Variants in MGAT4C observed in about 807,000 individuals in gnomAD.
MGAT4C encodes alpha-1,3-mannosyl-glycoprotein 4-beta-N-acetylglucosaminyltransferase C.
A neutral mutation model predicts 40.1 loss-of-function variants in MGAT4C; 19 were observed. The ratio of observed to expected loss-of-function variants is 0.47; its 90% CI spans 0.33 to 0.70. MGAT4C has a LOEUF of 0.70. Ranked by LOEUF, MGAT4C falls within the 30% of genes least tolerant of loss-of-function variation. The pLI, the probability that MGAT4C is intolerant of heterozygous loss-of-function variation, is 0.02. For missense variants in MGAT4C, 491 were observed against 563.2 expected (o/e 0.87, Z 1.30); for synonymous variants, 181 against 187.1 (o/e 0.97, Z 0.27).
chr12:86,622,836 G>T (rs1962681984), intron 2 of MGAT4C, among the ~76,000 whole-genome samples: 2 of 151,870 alleles, frequency 1.3e-5, no homozygotes, highest in Admixed American at 1.3e-4. Context: ...AAAATGACAG[G>T]AATGAGAGAA....
intron 1 of MGAT4C, among the ~76,000 whole-genome samples, chr12:86,179,033 C>T (rs1416141404): frequency 3.3e-5 from 5 of 152,134 alleles, no homozygotes; most frequent in Non-Finnish European, 7.3e-5. Flanking sequence ...GGCTGTGTCT[C>T]CAGCCAAATG....
At chr12:86,770,032 A>T (rs1440069108) in intron 1 of MGAT4C, among the ~76,000 whole-genome samples, 1 of 151,972 alleles carries the variant, frequency 6.6e-6, no homozygotes, top group Non-Finnish European at 1.5e-5. Flanking sequence ...ATAAAAAAAG[A>T]ATGACATTAT....
At chr12:86,470,358 C>T (rs1957741484) in intron 2 of MGAT4C, among the ~76,000 whole-genome samples, 1 of 152,004 alleles carries the variant, frequency 6.6e-6, no homozygotes, top group Non-Finnish European at 1.5e-5. Context: ...AATATGAGGA[C>T]TGAACTTCGA....
chr12:86,214,190 C>A (rs905827794), intron 1 of MGAT4C, among the ~76,000 whole-genome samples: 2 of 152,146 alleles, frequency 1.3e-5, no homozygotes, highest in Admixed American at 1.3e-4. Flanking sequence ...CAGGCTTGCC[C>A]TCATTTCTGT....
At chr12:86,237,019 T>G (rs1474659042) in intron 1 of MGAT4C, among the ~76,000 whole-genome samples, 1 of 150,660 alleles carries the variant, frequency 6.6e-6, no homozygotes, top group Non-Finnish European at 1.5e-5. Flanking sequence ...TTTATATATA[T>G]ATATGTGTAT....
intron 1 of MGAT4C, among the ~76,000 whole-genome samples, chr12:86,806,242 A>G (rs1264434783): frequency 6.6e-6 from 1 of 151,956 alleles, no homozygotes; most frequent in Non-Finnish European, 1.5e-5. Flanking sequence ...CTCTTTTATT[A>G]GAATTTTTAT....
At chr12:86,592,488 T>C (rs1371337185) in intron 2 of MGAT4C, among the ~76,000 whole-genome samples, 2 of 152,136 alleles carry the variant, frequency 1.3e-5, no homozygotes, top group African/African-American at 4.8e-5. Context: ...TAAAAAAAAG[T>C]ATCATCAAAT....
intron 1 of MGAT4C, among the ~76,000 whole-genome samples, chr12:86,753,510 C>A (rs970442361): frequency 6.6e-6 from 1 of 152,004 alleles, no homozygotes; most frequent in Non-Finnish European, 1.5e-5. Context: ...CACTTCACAC[C>A]TCTGTATTTC....
chr12:86,513,783 G>A (rs1218226485), intron 2 of MGAT4C, among the ~76,000 whole-genome samples: 1 of 151,996 alleles, frequency 6.6e-6, no homozygotes, highest in African/African-American at 2.4e-5. Flanking sequence ...TTTACTTAAG[G>A]AAGACAATAA....
chr12:86,753,491 C>T (rs1951256065), intron 1 of MGAT4C, among the ~76,000 whole-genome samples: 1 of 151,982 alleles, frequency 6.6e-6, no homozygotes, highest in Non-Finnish European at 1.5e-5. Context: ...TGTAAGACCC[C>T]TGATTTCCCA....
intron 1 of MGAT4C, among the ~76,000 whole-genome samples, chr12:86,126,875 G>A (rs927311797): frequency 8.5e-5 from 13 of 152,244 alleles, no homozygotes; most frequent in African/African-American, 2.6e-4. Flanking sequence ...TTCAATGGAC[G>A]GATAGGGGTG....
intron 2 of MGAT4C, among the ~76,000 whole-genome samples, chr12:86,041,887 A>G (rs1891889022): frequency 6.6e-6 from 1 of 152,008 alleles, no homozygotes; most frequent in Non-Finnish European, 1.5e-5. Context: ...TGCTTCGATG[A>G]TCTCCCTAAT....
chr12:86,476,582 T>C (rs1957838348), intron 2 of MGAT4C, among the ~76,000 whole-genome samples: 2 of 151,900 alleles, frequency 1.3e-5, no homozygotes, highest in African/African-American at 4.8e-5. Flanking sequence ...CCTGGGTTTA[T>C]ATACCCAAAG....
intron 2 of MGAT4C, among the ~76,000 whole-genome samples, chr12:86,708,748 T>C (rs1171173375): frequency 2.0e-5 from 3 of 152,316 alleles, no homozygotes; most frequent in South Asian, 2.1e-4. Flanking sequence ...AAAGATCTGA[T>C]AGCCCCACCA....
chr12:86,140,383 A>G (rs539733338), intron 1 of MGAT4C, among the ~76,000 whole-genome samples: 13 of 152,286 alleles, frequency 8.5e-5, no homozygotes, highest in African/African-American at 3.1e-4. Context: ...CATTCTCAGC[A>G]AACCAACAAA....
chr12:86,553,740 C>T (rs1445972314), intron 2 of MGAT4C, among the ~76,000 whole-genome samples: 1 of 152,140 alleles, frequency 6.6e-6, no homozygotes, highest in Admixed American at 6.6e-5. Context: ...AGCTAGCTCT[C>T]TCAAATGCTA....
chr12:86,161,369 C>A (rs901884294), intron 1 of MGAT4C, among the ~76,000 whole-genome samples: 3 of 152,016 alleles, frequency 2.0e-5, no homozygotes, highest in Non-Finnish European at 4.4e-5. Context: ...CACCTACAAC[C>A]ATTCTTTGAC....
intron 2 of MGAT4C, among the ~76,000 whole-genome samples, chr12:86,440,421 C>T (rs1957206142): frequency 6.6e-6 from 1 of 151,814 alleles, no homozygotes; most frequent in Non-Finnish European, 1.5e-5. Flanking sequence ...TTCAATAAAA[C>T]CCAGCATCCC....
intron 3 of MGAT4C, among the ~76,000 whole-genome samples, chr12:86,399,203 C>G (rs957818102): frequency 3.3e-5 from 5 of 151,968 alleles, no homozygotes; most frequent in Non-Finnish European, 7.4e-5. Context: ...ATCTCTTGAC[C>G]TCGTGGTCTG....
Sources: gnomAD v4.1 joint callset for allele counts (sites outside exome capture counted in the v4.1 genomes callset) on GRCh38, gnomAD v4.1.1 for gene constraint, MANE v1.5 for transcripts, NCBI Gene and HGNC (gene_info 2026-07-23, HGNC 2026-07-21) for gene names.